Variants in ADAM2 observed in about 807,000 individuals in gnomAD.
The protein encoded by ADAM2 is disintegrin and metalloproteinase domain-containing protein 2.
Under a neutral mutation model 99.3 loss-of-function variants are expected in ADAM2, and 101 were observed. The ratio of observed to expected loss-of-function variants is 1.02; its 90% CI spans 0.87 to 1.20. ADAM2 has a LOEUF of 1.20. Ranked by LOEUF, ADAM2 falls within the 50% of genes most tolerant of loss-of-function variation. ADAM2 has a pLI of 0.00. For missense variants in ADAM2, 948 were observed against 878.7 expected (o/e 1.08, Z -1.00); for synonymous variants, 323 against 287.6 (o/e 1.12, Z -1.25).
At chr8:39,758,022 AG>A (rs938577404) in intron 15 of ADAM2, among the ~76,000 whole-genome samples, 4 of 152,178 alleles carry the variant, frequency 2.6e-5, no homozygotes, top group Non-Finnish European at 4.4e-5. Flanking sequence ...GCAATTATAA[AG>A]CAAATTTCTG....
chr8:39,750,951 T>G (rs1801911630), intron 16 of ADAM2, among the ~76,000 whole-genome samples: 2 of 152,148 alleles, frequency 1.3e-5, no homozygotes, highest in South Asian at 4.1e-4. Context: ...ATTTTAAAAG[T>G]TTGCTAAAGA....
intron 6 of ADAM2, among the ~76,000 whole-genome samples, chr8:39,811,352 A>G (rs949658067): frequency 2.0e-5 from 3 of 152,180 alleles, no homozygotes; most frequent in South Asian, 2.1e-4. Context: ...AGAGGTACAA[A>G]GAGGAGCTGG....
chr8:39,803,154 G>A (rs1407403329), intron 7 of ADAM2, among the ~76,000 whole-genome samples: 3 of 152,122 alleles, frequency 2.0e-5, no homozygotes, highest in Non-Finnish European at 4.4e-5. Flanking sequence ...ATAAAAAACT[G>A]CAGCATCATG....
In ADAM2 at chr8:39,803,613, C is replaced by T. The variant is rs369809014; in HGVS notation, c.570+5797G>A. Among the ~76,000 whole-genome samples, 7 of 152,144 alleles carry T rather than the reference C, an allele frequency of 4.6e-5. No homozygotes were observed. In the East Asian group the frequency reaches 1.2e-3, roughly 25 times the overall value. On this transcript the variant is annotated intron_variant, in intron 7 of 20. Transcript: ENST00000265708. ...CTATTTTGAAGACTGGATGATGCCT[C>T]GTTCATTAATTGCTGATAAAAGCCA...
intron 7 of ADAM2, among the ~76,000 whole-genome samples, chr8:39,801,874 G>A (rs1380990517): frequency 6.6e-6 from 1 of 152,090 alleles, no homozygotes; most frequent in African/African-American, 2.4e-5. Context: ...GTTCCAGCAG[G>A]GGAAAAGAGC....
At chr8:39,821,800 G>T (rs1483481044) in intron 4 of ADAM2, 138 bp from the exon 5 acceptor site, 3 of 611,034 alleles carry the variant, frequency 4.9e-6, no homozygotes, top group Non-Finnish European at 8.5e-6. Context: ...AATGTTATTA[G>T]ATGAGCATAT....
intron 7 of ADAM2, among the ~76,000 whole-genome samples, chr8:39,808,030 A>G (rs1274428655): frequency 6.6e-6 from 1 of 152,194 alleles, no homozygotes; most frequent in African/African-American, 2.4e-5. Context: ...TTGAAACTAC[A>G]ACACAAGTCT....
intron 10 of ADAM2, among the ~76,000 whole-genome samples, chr8:39,785,415 G>A (rs1803424559): frequency 6.6e-6 from 1 of 152,170 alleles, no homozygotes; most frequent in South Asian, 2.1e-4. Flanking sequence ...TACACTGTTA[G>A]GGGGACTAGA....
chr8:39,805,066 G>T (rs1399505155), intron 7 of ADAM2, among the ~76,000 whole-genome samples: 1 of 152,136 alleles, frequency 6.6e-6, no homozygotes. Flanking sequence ...TCTGATGAGG[G>T]TTCATTTCCT....
In ADAM2 at chr8:39,821,043, T is replaced by C. The variant is rs1351250589; in HGVS notation, c.472A>G (p.Ile158Val). The C allele has an allele frequency of 2.5e-6, 4 of 1,605,110 alleles. No individual in the cohort carries two copies. Among genetic ancestry groups the C allele is most frequent in the Non-Finnish European group, 3.4e-6 (4 of 1,174,546 alleles). The change falls in exon 6 of 21, where the codon ATT becomes GTT. Residue 158 changes from isoleucine to valine, a missense_variant. Coordinates refer to ENST00000265708, the MANE Select transcript of ADAM2 (RefSeq NM_001464.5). ...TTAAAGGACAGATCTCTTGATTCAA[T>C]ATCCTTCTCATTATATAAGGAAACA... ...ADVSLYNEKDIESRDLSFKLQ... is the reference protein window; with the variant it reads ...ADVSLYNEKDVESRDLSFKLQ...
intron 7 of ADAM2, among the ~76,000 whole-genome samples, chr8:39,804,965 T>A (rs1197679893): frequency 6.6e-6 from 1 of 152,168 alleles, no homozygotes; most frequent in Non-Finnish European, 1.5e-5. Context: ...AACAAAAATA[T>A]CACAAGCTGA....
At chr8:39,786,542 T>G (rs1803473762) in intron 10 of ADAM2, among the ~76,000 whole-genome samples, 1 of 152,186 alleles carries the variant, frequency 6.6e-6, no homozygotes, top group South Asian at 2.1e-4. Context: ...GGACATTTGG[T>G]TCCGTTATTC....
rs1393445990 is a variant in ADAM2 at position 39,754,443 on chromosome 8, G to C, written c.1797+1285C>G. Among the ~76,000 whole-genome samples the C allele has an allele frequency of 2.0e-5, 3 of 152,148 alleles. No individual in the cohort carries two copies. The East Asian group carries it at 5.8e-4, about 29-fold the overall frequency. ...ACTCTTGGTGGTTCCCATTTCCTGTGCAATTCCTACCTCACATAACGTATT... is the reference window on the plus strand; with the variant it reads ...ACTCTTGGTGGTTCCCATTTCCTGTCCAATTCCTACCTCACATAACGTATT... On this transcript the variant is annotated intron_variant, in intron 16 of 20. Coordinates refer to ENST00000265708, the MANE Select transcript of ADAM2 (RefSeq NM_001464.5).
Position 39,767,048 on chromosome 8 carries a change from T to A in ADAM2, c.1312-5A>T. Reference sequence around the variant, plus strand: ...CATTCTTTCTTTTGACATAAACTGATGGGATGAGGTAAATGATATTGAATT... The same window carrying A: ...CATTCTTTCTTTTGACATAAACTGAAGGGATGAGGTAAATGATATTGAATT... On this transcript the variant is annotated splice_region_variant and splice_polypyrimidine_tract_variant and intron_variant, in intron 13 of 20. Coordinates refer to ENST00000265708, the MANE Select transcript of ADAM2 (RefSeq NM_001464.5). 1 of 1,612,492 alleles carries A rather than the reference T, an allele frequency of 6.2e-7. No homozygotes were observed. The highest frequency in any genetic ancestry group is 8.5e-7 in the Non-Finnish European group (1 of 1,178,614).
At chr8:39,802,266 A>G (rs1263570265) in intron 7 of ADAM2, among the ~76,000 whole-genome samples, 1 of 152,042 alleles carries the variant, frequency 6.6e-6, no homozygotes, top group Non-Finnish European at 1.5e-5. Flanking sequence ...GGGCTGCCAC[A>G]CCACACTGCT....
At chr8:39,794,168 A>G (rs1412850020) in intron 7 of ADAM2, among the ~76,000 whole-genome samples, 2 of 152,114 alleles carry the variant, frequency 1.3e-5, no homozygotes, top group Admixed American at 1.3e-4. Context: ...GCTTCTGTGT[A>G]TGTTGATGTA....
intron 6 of ADAM2, among the ~76,000 whole-genome samples, chr8:39,815,170 A>C (rs1804888682): frequency 2.0e-5 from 3 of 152,232 alleles, no homozygotes; most frequent in African/African-American, 7.2e-5. Flanking sequence ...CACTTATTCT[A>C]ATATAAAGCT....
rs148237920 is a variant in ADAM2, at chr8:39,836,474, T to A, written c.132+662A>T. Among the ~76,000 whole-genome samples, 4 of 151,986 alleles carry A rather than the reference T, an allele frequency of 2.6e-5. No homozygotes were observed. In the East Asian group the frequency reaches 7.7e-4, roughly 29 times the overall value. On this transcript the variant is annotated intron_variant, in intron 2 of 20. Transcript: ENST00000265708. ...TTAAGCTATAATGTCTGTATTAGGA[T>A]GACAAATGGATATATGCTAAGGAAA...
In ADAM2 at chr8:39,746,553, A is replaced by G. The variant is rs184733219; in HGVS notation, c.2093T>C (p.Ile698Thr). ...CATTATAGCAATCAGTACACAGAAAATAATAAAGAAAGGAATGAATAAGAA... is the reference window on the plus strand; with the variant it reads ...CATTATAGCAATCAGTACACAGAAAGTAATAAAGAAAGGAATGAATAAGAA... ...PFFLFIPFFI[I>T]FCVLIAIMVK... Residue 698 changes from isoleucine to threonine, a missense_variant, in exon 19 of 21, where the codon ATT becomes ACT. By Grantham distance (89) the Ile-to-Thr change is moderately conservative (BLOSUM62 -1). Coordinates refer to ENST00000265708, the MANE Select transcript of ADAM2 (RefSeq NM_001464.5). The G allele has an allele frequency of 3.2e-5, 52 of 1,607,844 alleles. No individual in the cohort carries two copies. In the East Asian group the frequency reaches 1.1e-3, roughly 35 times the overall value.
Sources: allele counts gnomAD v4.1 joint callset (sites outside exome capture counted in the v4.1 genomes callset), GRCh38; gene constraint gnomAD v4.1.1; transcripts MANE v1.5; gene names NCBI Gene and HGNC (gene_info 2026-07-23, HGNC 2026-07-21).